Variants in ZSCAN25 observed in about 807,000 individuals in gnomAD.
ZSCAN25 encodes the protein zinc finger and SCAN domain-containing protein 25.
A neutral mutation model predicts 38.7 loss-of-function variants in ZSCAN25; 27 were observed. The observed-to-expected ratio is 0.70, with a 90% CI of 0.51 to 0.96. The LOEUF is 0.96. Among genes scored for constraint, ZSCAN25 ranks in the 40% least tolerant of loss-of-function variants. The pLI is 0.00. For synonymous variants in ZSCAN25, 273 were observed against 277.7 expected (o/e 0.98, Z 0.17); for missense variants, 637 against 705.9 (o/e 0.90, Z 1.11).
chr7:99,686,758 C>T, the ZSCAN25 span, among the ~76,000 whole-genome samples: 1 of 151,808 alleles, frequency 6.6e-6, no homozygotes, highest in South Asian at 2.1e-4. Flanking sequence ...GCACCCCCCC[C>T]CCAGTAGGGG....
chr7:99,707,880 C>T, the ZSCAN25 span: 118 of 1,613,892 alleles, frequency 7.3e-5, no homozygotes, highest in Middle Eastern at 1.6e-4. Flanking sequence ...TTCATGTTCA[C>T]GAGAGCAAAC....
chr7:99,638,924 G>A, the ZSCAN25 span, among the ~76,000 whole-genome samples: 1 of 152,186 alleles, frequency 6.6e-6, no homozygotes, highest in Admixed American at 6.5e-5. Context: ...TCGCTCACTC[G>A]GGCATCACCG....
the ZSCAN25 span, chr7:99,717,456 C>T: frequency 1.4e-5 from 23 of 1,599,104 alleles, no homozygotes; most frequent in Non-Finnish European, 2.0e-5. Context: ...GAACTCTGAT[C>T]TTACTTTCTA....
chr7:99,685,692 G>A, the ZSCAN25 span, among the ~76,000 whole-genome samples: 2 of 152,144 alleles, frequency 1.3e-5, no homozygotes. Context: ...AAATACACAC[G>A]TGACATCATT....
At chr7:99,703,836 C>A in the ZSCAN25 span, among the ~76,000 whole-genome samples, 1 of 151,996 alleles carries the variant, frequency 6.6e-6, no homozygotes, top group South Asian at 2.1e-4. Context: ...CCACACCTCT[C>A]TATGAACCCC....
chr7:99,725,379 A>G, the ZSCAN25 span, among the ~76,000 whole-genome samples: 1 of 152,340 alleles, frequency 6.6e-6, no homozygotes, highest in African/African-American at 2.4e-5. Flanking sequence ...GTGTATCATA[A>G]TAGAGAAGAG....
chr7:99,652,518 G>A, the ZSCAN25 span: 4 of 1,485,604 alleles, frequency 2.7e-6, no homozygotes, highest in South Asian at 5.0e-5. Flanking sequence ...ACCAGCCTGG[G>A]TCAGGGTGAG....
the ZSCAN25 span, among the ~76,000 whole-genome samples, chr7:99,662,502 G>A: frequency 1.3e-5 from 2 of 152,286 alleles, no homozygotes; most frequent in Admixed American, 1.3e-4. The surrounding 1 kb of genome is among the most constrained non-coding windows in gnomAD (Gnocchi z 4.3). Flanking sequence ...AAATTTCCAA[G>A]TAGAGGTTCT....
chr7:99,675,400 G>T, the ZSCAN25 span, among the ~76,000 whole-genome samples: 5 of 152,046 alleles, frequency 3.3e-5, no homozygotes, highest in African/African-American at 7.2e-5. Flanking sequence ...GTAAAATTGT[G>T]TAGAATTCTC....
At chr7:99,663,143 G>A in the ZSCAN25 span, 2 of 1,194,476 alleles carry the variant, frequency 1.7e-6, no homozygotes, top group African/African-American at 1.6e-5. Flanking sequence ...CATCTTCTCT[G>A]TCTTTTGGAT....
the ZSCAN25 span, chr7:99,652,187 A>G: frequency 6.7e-6 from 1 of 148,698 alleles, no homozygotes; most frequent in African/African-American, 2.4e-5. Flanking sequence ...TTATATATAT[A>G]CATATATATG....
chr7:99,619,949 G>A lies in ZSCAN25; in HGVS notation c.343G>A (p.Ala115Thr), dbSNP rs747254344. Residue 115 changes from alanine to threonine, a missense_variant, in exon 4 of 8, where the codon GCC becomes ACC. Ala to Thr is a moderately conservative substitution (Grantham distance 58). Transcript: ENST00000394152. Reference sequence around the variant, plus strand: ...CCCAGAGAGTGGCAAGGCCCTGGCCGCCATGGTGGAGGACCTGACAGAAAG... The same window carrying A: ...CCCAGAGAGTGGCAAGGCCCTGGCCACCATGGTGGAGGACCTGACAGAAAG... Reference protein sequence around the residue: ...HGPESGKALAAMVEDLTERAL... With the variant: ...HGPESGKALATMVEDLTERAL... 42 of 1,613,930 alleles carry A rather than the reference G, an allele frequency of 2.6e-5. No individual in the cohort carries two copies. The highest frequency in any genetic ancestry group is 3.1e-5 in the Non-Finnish European group (37 of 1,180,040).
intron 7 of ZSCAN25, among the ~76,000 whole-genome samples, chr7:99,627,809 T>G (rs1259447021): frequency 6.6e-6 from 1 of 152,052 alleles, no homozygotes; most frequent in Non-Finnish European, 1.5e-5. Flanking sequence ...ATATACTGTA[T>G]ACATGTATAT....
the ZSCAN25 span, among the ~76,000 whole-genome samples, chr7:99,642,934 G>A: frequency 1.3e-5 from 2 of 152,296 alleles, no homozygotes; most frequent in Non-Finnish European, 2.9e-5. Context: ...AACAGAGACA[G>A]TATGGGCGTG....
At chr7:99,695,252 A>T in the ZSCAN25 span, among the ~76,000 whole-genome samples, 2 of 152,194 alleles carry the variant, frequency 1.3e-5, no homozygotes, top group Admixed American at 6.5e-5. Context: ...GAATGACCCA[A>T]TGGTAAATAC....
chr7:99,652,773 G>C, the ZSCAN25 span: 20 of 1,612,816 alleles, frequency 1.2e-5, no homozygotes, highest in Non-Finnish European at 1.7e-5. Context: ...TCATAGGTAG[G>C]TGGTGCCTGG....
chr7:99,699,934 C>CTGG, the ZSCAN25 span: 2 of 1,477,446 alleles, frequency 1.4e-6, no homozygotes, highest in Non-Finnish European at 1.9e-6. Context: ...TCCAAGTTAA[C>CTGG]AGAGGAGAGG....
the ZSCAN25 span, chr7:99,708,115 T>G: frequency 1.7e-6 from 2 of 1,165,280 alleles, no homozygotes; most frequent in African/African-American, 3.1e-5. Flanking sequence ...GAAATCCTGC[T>G]ATGCATATTT....
the ZSCAN25 span, chr7:99,662,688 T>C: frequency 1.2e-6 from 1 of 868,386 alleles, no homozygotes; most frequent in Non-Finnish European, 1.8e-6. This position sits in a 1 kb window ranked among gnomAD's most constrained non-coding sequence, Gnocchi z 4.3. Context: ...TTATAACATC[T>C]AAATGTGTGT....
Sources: gnomAD v4.1 joint callset for allele counts (sites outside exome capture counted in the v4.1 genomes callset) on GRCh38, gnomAD v4.1.1 for gene constraint, Gnocchi (gnomAD v3.1) non-coding constraint, MANE v1.5 for transcripts, NCBI Gene and HGNC (gene_info 2026-07-23, HGNC 2026-07-21) for gene names.